The following SLC35F3 variants were observed in gnomAD, a reference collection of about 807,000 sequenced individuals.
SLC35F3 encodes the protein solute carrier family 35 member F3, also known as putative thiamine transporter SLC35F3.
A neutral mutation model predicts 49.9 loss-of-function variants in SLC35F3; 25 were observed. The ratio of observed to expected loss-of-function variants is 0.50; its 90% CI spans 0.37 to 0.70. The LOEUF is 0.70. Among genes scored for constraint, SLC35F3 ranks in the 30% least tolerant of loss-of-function variants. SLC35F3 has a pLI of 0.00. For synonymous variants in SLC35F3, 275 were observed against 265.4 expected, an observed-to-expected ratio of 1.04 and a Z score of -0.35; for missense variants, 525 against 639.8, an observed-to-expected ratio of 0.82 and a Z score of 1.94.
At chr1:234,246,905 C>T (rs370145592) in intron 3 of SLC35F3, among the ~76,000 whole-genome samples, 7 of 152,126 alleles carry the variant, frequency 4.6e-5, no homozygotes. Context: ...CAGATGGTGT[C>T]GGTCGGGGGT....
intron 2 of SLC35F3, among the ~76,000 whole-genome samples, chr1:234,209,268 G>T (rs1392480988): frequency 3.3e-5 from 5 of 151,848 alleles, no homozygotes; most frequent in Non-Finnish European, 7.4e-5. Flanking sequence ...TGTGAGATTT[G>T]AGTTTTTGTG....
At chr1:234,066,841 C>G (rs1450898966) in intron 2 of SLC35F3, among the ~76,000 whole-genome samples, 1 of 58,872 alleles carries the variant, frequency 1.7e-5, no homozygotes, top group Non-Finnish European at 5.2e-5. Context: ...CACACACACA[C>G]ACACACACAC....
intron 1 of SLC35F3, 96 bp from the exon 2 acceptor site, chr1:233,905,433 C>T (rs555470276): frequency 3.1e-6 from 3 of 981,632 alleles, no homozygotes; most frequent in South Asian, 3.3e-5. Flanking sequence ...CGGCCGCGCT[C>T]TTGCTCTCGC....
chr1:234,279,871 T>C (rs754365817), intron 3 of SLC35F3, among the ~76,000 whole-genome samples: 9 of 152,218 alleles, frequency 5.9e-5, no homozygotes, highest in Non-Finnish European at 1.0e-4. Flanking sequence ...GTTTTCTCCA[T>C]CCCATCAAAT....
chr1:234,299,804 CAAAA>C (rs36039526), intron 3 of SLC35F3, among the ~76,000 whole-genome samples: 2 of 84,682 alleles, frequency 2.4e-5, no homozygotes, highest in Admixed American at 1.6e-4. Context: ...GACTCCATCT[CAAAA>C]AAAAAAAAAA....
chr1:234,039,017 A>G (rs1347609775), intron 2 of SLC35F3, among the ~76,000 whole-genome samples: 2 of 152,254 alleles, frequency 1.3e-5, no homozygotes, highest in Admixed American at 6.5e-5. Context: ...GAGATGCCCA[A>G]TAGACATTTA....
intron 2 of SLC35F3, among the ~76,000 whole-genome samples, chr1:233,926,718 T>C (rs1662166668): frequency 6.6e-6 from 1 of 152,248 alleles, no homozygotes; most frequent in South Asian, 2.1e-4. Context: ...AGAGGTGCTC[T>C]GATTTTTAGA....
At chr1:234,221,828 T>G (rs1667210584) in intron 2 of SLC35F3, among the ~76,000 whole-genome samples, 2 of 152,350 alleles carry the variant, frequency 1.3e-5, no homozygotes, top group South Asian at 4.1e-4. Context: ...GGGCTTCTCC[T>G]GCTGCAAAGA....
At chr1:234,204,707 T>A (rs150297392) in intron 2 of SLC35F3, among the ~76,000 whole-genome samples, 1 of 152,376 alleles carries the variant, frequency 6.6e-6, no homozygotes, top group African/African-American at 2.4e-5. Flanking sequence ...GGGGATTCAG[T>A]TGACTTTTTG....
chr1:234,235,661 A>G (rs646102), intron 3 of SLC35F3, among the ~76,000 whole-genome samples: 112,529 of 152,208 alleles, frequency 0.74, 43,093 homozygotes, highest in African/African-American at 0.9. Context: ...GCTATCATGC[A>G]GCTGCCAAAA....
chr1:233,945,604 C>T (rs981879104), intron 2 of SLC35F3, among the ~76,000 whole-genome samples: 2 of 152,188 alleles, frequency 1.3e-5, no homozygotes, highest in African/African-American at 4.8e-5. Flanking sequence ...TGTGTCCTCA[C>T]CCAGATCTCA....
chr1:233,998,716 T>G (rs1663502503), intron 2 of SLC35F3, among the ~76,000 whole-genome samples: 1 of 152,120 alleles, frequency 6.6e-6, no homozygotes, highest in Non-Finnish European at 1.5e-5. Flanking sequence ...ATTTTAAATT[T>G]TATCTAATGT....
chr1:234,243,764 G>C (rs1442526092), intron 3 of SLC35F3, among the ~76,000 whole-genome samples: 3 of 152,216 alleles, frequency 2.0e-5, no homozygotes, highest in Non-Finnish European at 4.4e-5. Context: ...CCCTGCTCCT[G>C]CTACAGTGCA....
chr1:234,302,044 T>C (rs1418787081), intron 3 of SLC35F3, among the ~76,000 whole-genome samples: 1 of 151,824 alleles, frequency 6.6e-6, no homozygotes, highest in East Asian at 1.9e-4. Flanking sequence ...TGTTGAAGGA[T>C]GAGGGATGAG....
chr1:233,918,416 G>A (rs1265008771), intron 2 of SLC35F3, among the ~76,000 whole-genome samples: 1 of 152,168 alleles, frequency 6.6e-6, no homozygotes, highest in Non-Finnish European at 1.5e-5. Flanking sequence ...CTATGTGGAG[G>A]TGTCTGTGTG....
At chr1:234,053,323 T>A (rs1343883972) in intron 2 of SLC35F3, among the ~76,000 whole-genome samples, 1 of 152,214 alleles carries the variant, frequency 6.6e-6, no homozygotes, top group East Asian at 1.9e-4. Context: ...TGGGTGCTCC[T>A]GTATTGGGTG....
chr1:234,315,110 G>T (rs910317353), intron 4 of SLC35F3, among the ~76,000 whole-genome samples: 3 of 152,266 alleles, frequency 2.0e-5, no homozygotes, highest in African/African-American at 4.8e-5. Context: ...ATGCAAAACG[G>T]TGTGGCTGAC....
intron 2 of SLC35F3, among the ~76,000 whole-genome samples, chr1:234,222,477 T>A (rs1334785039): frequency 2.0e-5 from 3 of 152,136 alleles, no homozygotes; most frequent in Admixed American, 1.3e-4. Flanking sequence ...TTCTGCTCAT[T>A]TTCATCTAAC....
At chr1:234,172,608 A>T (rs200626976) in intron 2 of SLC35F3, among the ~76,000 whole-genome samples, 1 of 152,192 alleles carries the variant, frequency 6.6e-6, no homozygotes, top group Admixed American at 6.5e-5. Flanking sequence ...CGACTTCATC[A>T]TTGTGCAAAC....
Sources: gnomAD v4.1 joint callset for allele counts (sites outside exome capture counted in the v4.1 genomes callset) on GRCh38, gnomAD v4.1.1 for gene constraint, MANE v1.5 for transcripts, NCBI Gene and HGNC (gene_info 2026-07-23, HGNC 2026-07-21) for gene names.